The following ZEB1 variants were observed in gnomAD, a reference collection of about 807,000 sequenced individuals.
The protein encoded by ZEB1 is zinc finger E-box binding homeobox 1.
A neutral mutation model predicts 84.9 loss-of-function variants in ZEB1; 21 were observed. The observed-to-expected ratio is 0.25, with a 90% CI of 0.18 to 0.36. ZEB1 has a LOEUF of 0.36. ZEB1 is among the 10% of genes least tolerant of loss of function. ZEB1 has a pLI of 1.00. For synonymous variants in ZEB1, 420 were observed against 471.1 expected, an observed-to-expected ratio of 0.89 and a Z score of 1.41; for missense variants, 1,104 against 1,330.2, an observed-to-expected ratio of 0.83 and a Z score of 2.65.
At chr10:31,355,797 G>C (rs1002125257) in intron 1 of ZEB1, among the ~76,000 whole-genome samples, 7 of 152,152 alleles carry the variant, frequency 4.6e-5, no homozygotes, top group Non-Finnish European at 1.0e-4. Context: ...GTAGGAAAGA[G>C]ATTATGCATT....
At position 31,374,245 on chromosome 10, in the gene ZEB1, T is replaced by C. The variant is rs2046227003; in HGVS notation, c.58+54953T>C. The stretch of plus-strand genomic sequence containing the variant: ...CATGCCCAATTAGAGATGTCAAAAT[T>C]ATGTTAATTGAATCTGGCCATGTTC... On this transcript the variant is annotated intron_variant, in intron 1 of 8. Coordinates refer to ENST00000424869, the MANE Select transcript of ZEB1 (RefSeq NM_001174096.2). Among the ~76,000 whole-genome samples, 3 of 151,980 alleles carry C rather than the reference T, an allele frequency of 2.0e-5. No homozygotes were observed. In the South Asian group the frequency reaches 6.2e-4, roughly 31 times the overall value.
Position 31,523,913 on chromosome 10 carries a change from TCA to T in ZEB1, c.2605-16_2605-15del. The T allele has an allele frequency of 6.2e-7, 1 of 1,612,610 alleles. No homozygotes were observed. Among genetic ancestry groups the T allele is most frequent in the Non-Finnish European group, 8.5e-7 (1 of 1,178,818 alleles). On this transcript the variant is annotated intron_variant, in intron 7 of 8. Coordinates refer to ENST00000424869, the MANE Select transcript of ZEB1 (RefSeq NM_001174096.2). The stretch of plus-strand genomic sequence containing the variant: ...TCTTTTAATGTTAAATTACATTTTC[TCA>T]CACCTTTCTCCCTCTAGGATGAAAG...
rs143735804 is a variant in ZEB1, at chr10:31,499,809, A to G, written c.323-2539A>G. On this transcript the variant is annotated intron_variant, in intron 3 of 8. Coordinates refer to ENST00000424869, the MANE Select transcript of ZEB1 (RefSeq NM_001174096.2). ...ATCAATAATGAAGAAAACATAAAGTATAAGTAAATACATCTTATAATAATA... is the reference window on the plus strand; with the variant it reads ...ATCAATAATGAAGAAAACATAAAGTGTAAGTAAATACATCTTATAATAATA... 2.8e-3 allele frequency among the ~76,000 whole-genome samples: 432 copies of G among 152,282 alleles called. 3 individuals are homozygous for G. Among genetic ancestry groups the G allele is most frequent in the Middle Eastern group, 0.01 (3 of 294 alleles).
intron 4 of ZEB1, among the ~76,000 whole-genome samples, chr10:31,506,334 A>G (rs908482715): frequency 3.3e-5 from 5 of 152,060 alleles, no homozygotes; most frequent in Non-Finnish European, 7.4e-5. Context: ...GTGTCTTTCT[A>G]CATGATCTGT....
Position 31,435,434 on chromosome 10 carries a change from A to G in ZEB1, c.59-25603A>G, listed in dbSNP as rs74127742. On this transcript the variant is annotated intron_variant, in intron 1 of 8. Coordinates refer to ENST00000424869, the MANE Select transcript of ZEB1 (RefSeq NM_001174096.2). ...AGAAAACTAATACAGAGTAAAAGAA[A>G]GTAAACAAGTAACTAAACAAGATAA... is the stretch of plus-strand genomic sequence containing the variant. 8.4e-3 allele frequency among the ~76,000 whole-genome samples: 1,286 copies of G among 152,376 alleles called. 22 individuals are homozygous for G. Among genetic ancestry groups the G allele is most frequent in the African/African-American group, 0.027 (1,124 of 41,592 alleles).
At chr10:31,487,367 A>G (rs913869081) in intron 2 of ZEB1, among the ~76,000 whole-genome samples, 1 of 151,508 alleles carries the variant, frequency 6.6e-6, no homozygotes, top group Middle Eastern at 3.4e-3. Context: ...TAAAGTGTTG[A>G]GGAGTCTTCC....
At chr10:31,441,532 G>C (rs1433657389) in intron 1 of ZEB1, among the ~76,000 whole-genome samples, 1 of 152,152 alleles carries the variant, frequency 6.6e-6, no homozygotes, top group East Asian at 1.9e-4. Flanking sequence ...AAAAGCAATG[G>C]CAACAAAAGC....
At chr10:31,376,835 A>G (rs1350215042) in intron 1 of ZEB1, among the ~76,000 whole-genome samples, 1 of 151,784 alleles carries the variant, frequency 6.6e-6, no homozygotes, top group African/African-American at 2.4e-5. Flanking sequence ...AATTACAATA[A>G]TAATTTCCTC....
At chr10:31,363,824 T>G in intron 1 of ZEB1, 2 of 1,332,626 alleles carry the variant, frequency 1.5e-6, no homozygotes, top group Non-Finnish European at 2.0e-6. Flanking sequence ...CACAGCCTCA[T>G]AGGGGCGCCG....
At chr10:31,446,435 T>C (rs1184202861) in intron 1 of ZEB1, among the ~76,000 whole-genome samples, 1 of 151,526 alleles carries the variant, frequency 6.6e-6, no homozygotes, top group African/African-American at 2.4e-5. Flanking sequence ...TGATTTTAGT[T>C]ATTTCTTGCC....
intron 2 of ZEB1, among the ~76,000 whole-genome samples, chr10:31,494,187 A>G (rs931199838): frequency 6.6e-6 from 1 of 151,916 alleles, no homozygotes; most frequent in African/African-American, 2.4e-5. Flanking sequence ...AGCGAGAAAA[A>G]GGGGGTGCTA....
chr10:31,332,153 TCGAA>T (rs1348013847), intron 1 of ZEB1, among the ~76,000 whole-genome samples: 3 of 152,184 alleles, frequency 2.0e-5, no homozygotes, highest in Admixed American at 2.0e-4. Flanking sequence ...AGTAATTGCT[TCGAA>T]ATGGTGCTGC....
At chr10:31,499,406 G>T (rs1226126194) in intron 3 of ZEB1, among the ~76,000 whole-genome samples, 1 of 151,860 alleles carries the variant, frequency 6.6e-6, no homozygotes. Context: ...TACCTTATTG[G>T]TTCACCCAAT....
intron 6 of ZEB1, 28 bp downstream of exon 6, chr10:31,514,736 T>C: frequency 6.6e-7 from 1 of 1,512,882 alleles, no homozygotes; most frequent in Admixed American, 1.7e-5. Context: ...TTCTATACCC[T>C]GAATATCATA....
At chr10:31,501,355 A>G (rs2139212670) in intron 3 of ZEB1, among the ~76,000 whole-genome samples, 2 of 152,328 alleles carry the variant, frequency 1.3e-5, no homozygotes, top group South Asian at 4.1e-4. Context: ...CTCAAAGCAT[A>G]AGCCTTTCTA....
chr10:31,488,613 C>G (rs937800860), intron 2 of ZEB1, among the ~76,000 whole-genome samples: 1 of 150,500 alleles, frequency 6.6e-6, no homozygotes, highest in African/African-American at 2.4e-5. Flanking sequence ...TGTTTTAATA[C>G]ACAATTCAGA....
intron 1 of ZEB1, among the ~76,000 whole-genome samples, chr10:31,371,395 G>A (rs2045671749): frequency 6.6e-6 from 1 of 152,122 alleles, no homozygotes; most frequent in African/African-American, 2.4e-5. Context: ...TTTATCTTTG[G>A]TCTTCTCCCA....
intron 1 of ZEB1, chr10:31,320,556 T>C (rs1220482894): frequency 2.0e-5 from 3 of 151,966 alleles, no homozygotes; most frequent in Non-Finnish European, 4.4e-5. Context: ...CAGTGTTTAT[T>C]GATTTGTGCT....
At chr10:31,434,649 C>T (rs990878106) in intron 1 of ZEB1, among the ~76,000 whole-genome samples, 1 of 152,058 alleles carries the variant, frequency 6.6e-6, no homozygotes, top group Non-Finnish European at 1.5e-5. Context: ...AACACTTAAT[C>T]CTTTACTGAC....
Sources: allele counts gnomAD v4.1 joint callset (sites outside exome capture counted in the v4.1 genomes callset), GRCh38; gene constraint gnomAD v4.1.1; transcripts MANE v1.5; gene names NCBI Gene and HGNC (gene_info 2026-07-23, HGNC 2026-07-21).